The following PPP1CC variants were observed in gnomAD, a reference collection of about 807,000 sequenced individuals.
The protein encoded by PPP1CC is protein phosphatase 1 catalytic subunit gamma.
A neutral mutation model predicts 38.4 loss-of-function variants in PPP1CC; 16 were observed. The ratio of observed to expected loss-of-function variants is 0.42; its 90% CI spans 0.28 to 0.63. The LOEUF (loss-of-function observed/expected upper bound fraction) is 0.63. Ranked by LOEUF, PPP1CC falls within the 30% of genes least tolerant of loss-of-function variation. PPP1CC has a pLI of 0.25. For synonymous variants in PPP1CC, 158 were observed against 136.0 expected, an observed-to-expected ratio of 1.16 and a Z score of -1.13; for missense variants, 170 against 391.3, an observed-to-expected ratio of 0.43 and a Z score of 4.77.
rs541963815 is a variant in PPP1CC, at chr12:110,736,425, C to T, written c.56-4524G>A. On this transcript the variant is annotated intron_variant, in intron 1 of 6. Transcript: ENST00000335007. ...TTGGGAGGCCGAGGTGGGAGGATCACTTGAGCTCAGGAGTTAGAGACTAGC... is the reference window on the plus strand; with the variant it reads ...TTGGGAGGCCGAGGTGGGAGGATCATTTGAGCTCAGGAGTTAGAGACTAGC... Among the ~76,000 whole-genome samples, 4 of 152,022 alleles carry T rather than the reference C, an allele frequency of 2.6e-5. No individual in the cohort carries two copies. In the South Asian group the frequency reaches 8.3e-4, roughly 32 times the overall value.
intron 1 of PPP1CC, among the ~76,000 whole-genome samples, chr12:110,741,564 C>T (rs757879481): frequency 1.5e-4 from 23 of 152,168 alleles, no homozygotes; most frequent in Non-Finnish European, 2.5e-4. Flanking sequence ...GCCCCTCTCC[C>T]ACATCAACAT....
downstream of PPP1CC, among the ~76,000 whole-genome samples, chr12:110,718,158 A>G (rs1015748928): frequency 6.6e-5 from 10 of 152,204 alleles, no homozygotes; most frequent in African/African-American, 2.4e-4. Context: ...CTCTGGCCTT[A>G]AATCAAGGTA....
chr12:110,724,820 T>C, intron 3 of PPP1CC, 56 bp from the exon 4 acceptor site: 1 of 1,052,330 alleles, frequency 9.5e-7, no homozygotes, highest in Non-Finnish European at 1.5e-6. Context: ...TTCCGTAGGC[T>C]CATTCTCTCA....
chr12:110,730,412 G>A (rs534259730), intron 3 of PPP1CC, 117 bp downstream of exon 3: 29 of 833,776 alleles, frequency 3.5e-5, no homozygotes, highest in Non-Finnish European at 4.8e-5. Context: ...TAGAAAACAT[G>A]AGAGATGATA....
intron 3 of PPP1CC, chr12:110,725,014 A>C (rs1262171694): frequency 3.4e-6 from 1 of 293,376 alleles, no homozygotes; most frequent in African/African-American, 2.2e-5. Context: ...GCTTGAGCCC[A>C]GGAGTTCAAG....
At chr12:110,725,350 C>T (rs1198371053) in intron 3 of PPP1CC, 1 of 152,318 alleles carries the variant, frequency 6.6e-6, no homozygotes, top group African/African-American at 2.4e-5. Flanking sequence ...CTGAGGAAAC[C>T]TGAGAGTTAG....
At chr12:110,709,843 G>A in the PPP1CC span, among the ~76,000 whole-genome samples, 1 of 151,006 alleles carries the variant, frequency 6.6e-6, no homozygotes, top group Non-Finnish European at 1.5e-5. Flanking sequence ...TACTGCGCCT[G>A]GTCAAATTTT....
Position 110,741,960 on chromosome 12 carries a change from T to C in PPP1CC, c.55+693A>G, listed in dbSNP as rs2070021571. ...GTGCTTAAGACAGAGCCTGGCACAT[T>C]GGAAAGATAATGATAGCGTCAGCCT... On this transcript the variant is annotated intron_variant, in intron 1 of 6. Transcript: ENST00000335007. Among the ~76,000 whole-genome samples the C allele has an allele frequency of 3.3e-5, 5 of 152,196 alleles. No homozygotes were observed. The South Asian group carries it at 1.0e-3, about 32-fold the overall frequency.
the PPP1CC span, among the ~76,000 whole-genome samples, chr12:110,711,727 C>T: frequency 9.4e-4 from 143 of 151,896 alleles, 1 homozygote; most frequent in African/African-American, 2.7e-3. Context: ...GAGTTCGAGA[C>T]CAGCCTGACC....
rs750574604 is a variant in PPP1CC, at chr12:110,721,069, A to G, written c.*7T>C. On this transcript the variant is annotated 3_prime_UTR_variant, in exon 7 of 7. Transcript: ENST00000335007. The stretch of plus-strand genomic sequence containing the variant: ...CAAGTCCCGACTAGGCAGTGTCAAA[A>G]CGACATCTATTTCTTTGCTTGCTTT... The G allele has an allele frequency of 2.5e-6, 4 of 1,613,220 alleles. No individual in the cohort carries two copies. In the South Asian group the frequency reaches 4.4e-5, roughly 18 times the overall value.
chr12:110,715,948 T>A (rs569977538), downstream of PPP1CC, among the ~76,000 whole-genome samples: 1 of 152,084 alleles, frequency 6.6e-6, no homozygotes, highest in Non-Finnish European at 1.5e-5. Flanking sequence ...GCACCACCTG[T>A]CGCTTTATTG....
At chr12:110,723,886 CTT>C (rs964568462) in intron 4 of PPP1CC, among the ~76,000 whole-genome samples, 1 of 152,132 alleles carries the variant, frequency 6.6e-6, no homozygotes, top group African/African-American at 2.4e-5. Flanking sequence ...CTACTCACAT[CTT>C]GAGTGTTCTA....
chr12:110,732,128 A>G, intron 1 of PPP1CC: 1 of 573,426 alleles, frequency 1.7e-6, no homozygotes, highest in Non-Finnish European at 3.1e-6. Flanking sequence ...GTATTCCAAA[A>G]AAGGAGCCAT....
chr12:110,723,289 C>T (rs1011524670), intron 4 of PPP1CC, among the ~76,000 whole-genome samples: 2 of 150,180 alleles, frequency 1.3e-5, no homozygotes, highest in African/African-American at 4.9e-5. Flanking sequence ...CTTATTGTAT[C>T]GAGTTACAAT....
At chr12:110,709,189 G>T in the PPP1CC span, among the ~76,000 whole-genome samples, 2 of 151,720 alleles carry the variant, frequency 1.3e-5, no homozygotes, top group Non-Finnish European at 2.9e-5. Flanking sequence ...GGAATAATCA[G>T]ATAGAACATA....
intron 3 of PPP1CC, among the ~76,000 whole-genome samples, chr12:110,728,103 T>C (rs1189218838): frequency 6.6e-6 from 1 of 152,178 alleles, no homozygotes; most frequent in Non-Finnish European, 1.5e-5. Flanking sequence ...AAAGGAATCC[T>C]TTAACTCAAG....
At chr12:110,721,542 T>G (rs78719039) in intron 6 of PPP1CC, 3,022 of 174,030 alleles carry the variant, frequency 0.017, 75 homozygotes, top group African/African-American at 0.061. Context: ...GCAAGTTCTC[T>G]CTGATAATTG....
rs1017183246 is a variant in PPP1CC, at chr12:110,727,742, A to G, written c.418+2787T>C. On this transcript the variant is annotated intron_variant, in intron 3 of 6. Transcript: ENST00000335007. The stretch of plus-strand genomic sequence containing the variant: ...TTCATTTTAATAAAATTAGTTAAGT[A>G]TTTTATATATATATTAAATGTCTGC... Among the ~76,000 whole-genome samples the G allele has an allele frequency of 1.2e-4, 18 of 152,284 alleles. 1 individual carries two copies. In the South Asian group the frequency reaches 3.7e-3, roughly 32 times the overall value.
rs1370080086 is a variant in PPP1CC at position 110,731,806 on chromosome 12, T to C, written c.151A>G (p.Ile51Val). Reference sequence around the variant, plus strand: ...AGTGGTGCTTCAAGTTCTAGTAGGATAGGCTGACTGAGAAAGATTTCACGA... The same window carrying C: ...AGTGGTGCTTCAAGTTCTAGTAGGACAGGCTGACTGAGAAAGATTTCACGA... ...KSREIFLSQP[I>V]LLELEAPLKI... is the part of the protein sequence containing the mutation. Residue 51 changes from isoleucine to valine, a missense_variant, in exon 2 of 7, where the codon ATC (isoleucine) becomes GTC (valine). Physicochemically the swap from Ile to Val is conservative, Grantham distance 29 (BLOSUM62 3). This residue lies in a region of PPP1CC where 117 missense variants were observed against 344.4 expected (regional missense o/e 0.34). Transcript: ENST00000335007. 2 of 1,613,528 alleles carry C rather than the reference T, an allele frequency of 1.2e-6. No homozygotes were observed.
Sources: gnomAD v4.1 joint callset for allele counts (sites outside exome capture counted in the v4.1 genomes callset) on GRCh38, gnomAD v4.1.1 for gene constraint, gnomAD v4.1.1 regional missense constraint, MANE v1.5 for transcripts, NCBI Gene and HGNC (gene_info 2026-07-23, HGNC 2026-07-21) for gene names.